The following GNAQ variants were observed in gnomAD, a reference collection of about 807,000 sequenced individuals.
GNAQ encodes the protein G protein subunit alpha q.
A neutral mutation model predicts 43.9 loss-of-function variants in GNAQ; 8 were observed. The observed-to-expected ratio is 0.18, with a 90% CI of 0.11 to 0.33. The LOEUF (loss-of-function observed/expected upper bound fraction) is 0.33. Among genes scored for constraint, GNAQ ranks in the 10% least tolerant of loss-of-function variants. GNAQ has a pLI of 1.00. For synonymous variants in GNAQ, 155 were observed against 170.7 expected, an observed-to-expected ratio of 0.91 and a Z score of 0.71; for missense variants, 158 against 450.8, an observed-to-expected ratio of 0.35 and a Z score of 5.88.
chr9:77,868,406 G>A (rs1385559160), intron 2 of GNAQ, among the ~76,000 whole-genome samples: 1 of 152,128 alleles, frequency 6.6e-6, no homozygotes, highest in Non-Finnish European at 1.5e-5. Context: ...TTTGATTAAT[G>A]GACTTACCTT....
chr9:77,764,416 T>A (rs1042865368), intron 5 of GNAQ, among the ~76,000 whole-genome samples: 1 of 152,124 alleles, frequency 6.6e-6, no homozygotes, highest in Admixed American at 6.5e-5. Flanking sequence ...GATAAAGCTA[T>A]ACTAAGCTGG....
intron 5 of GNAQ, among the ~76,000 whole-genome samples, chr9:77,761,535 C>T (rs1169357432): frequency 2.1e-4 from 30 of 140,096 alleles, no homozygotes; most frequent in African/African-American, 5.8e-4. Flanking sequence ...CCGCCCCGTC[C>T]GGGAGGGAGG....
At chr9:78,015,273 A>C (rs1363858250) in intron 1 of GNAQ, among the ~76,000 whole-genome samples, 2 of 152,236 alleles carry the variant, frequency 1.3e-5, no homozygotes, top group South Asian at 4.1e-4. Context: ...CACATAGCCT[A>C]TATGTGTGTT....
At chr9:77,761,590 G>A (rs1826025337) in intron 5 of GNAQ, among the ~76,000 whole-genome samples, 1 of 138,990 alleles carries the variant, frequency 7.2e-6, no homozygotes, top group Non-Finnish European at 1.6e-5. Flanking sequence ...CGCCCGGGAG[G>A]TGAGGGGCGC....
In GNAQ at chr9:77,806,943, G is replaced by C. The variant is rs376474139; in HGVS notation, c.476+8673C>G. The stretch of plus-strand genomic sequence containing the variant: ...TCCAGTGATTGCAGCCAAGAGCAAT[G>C]AGCAATAAATAGGTCATACTGATTT... On this transcript the variant is annotated intron_variant, in intron 3 of 6. Coordinates refer to ENST00000286548, the MANE Select transcript of GNAQ (RefSeq NM_002072.5). Among the ~76,000 whole-genome samples, 67 of 152,278 alleles carry C rather than the reference G, an allele frequency of 4.4e-4. 1 individual carries two copies. Among genetic ancestry groups the C allele is most frequent in the African/African-American group, 1.5e-3 (64 of 41,560 alleles).
chr9:78,020,874 A>C (rs1823900353), intron 1 of GNAQ, among the ~76,000 whole-genome samples: 1 of 152,174 alleles, frequency 6.6e-6, no homozygotes, highest in Non-Finnish European at 1.5e-5. Flanking sequence ...GATGAGGAGA[A>C]GGCCCTGGGC....
At chr9:77,761,878 C>T (rs1240008887) in intron 5 of GNAQ, among the ~76,000 whole-genome samples, 1 of 95,096 alleles carries the variant, frequency 1.1e-5, no homozygotes, top group South Asian at 4.1e-4. Context: ...CCTGGCCAGC[C>T]GCCCCATCCG....
rs185948909 is a variant in GNAQ, at chr9:77,863,954, T to G, written c.322-48184A>C. Among the ~76,000 whole-genome samples the G allele has an allele frequency of 2.8e-3, 429 of 152,226 alleles. 2 individuals are homozygous for G. The highest frequency in any genetic ancestry group is 4.5e-3 in the Non-Finnish European group (305 of 68,000). On this transcript the variant is annotated intron_variant, in intron 2 of 6. Transcript: ENST00000286548. ...AACACGTAGGAATTCAAGATGAGAT[T>G]TGGGTGGGGACACAGCCAAACCACA...
chr9:77,815,163 G>A (rs1367285675), intron 3 of GNAQ, among the ~76,000 whole-genome samples: 2 of 152,130 alleles, frequency 1.3e-5, no homozygotes, highest in African/African-American at 4.8e-5. Context: ...CTGGAAACCA[G>A]GAAGTCTGAT....
At chr9:77,760,009 C>A (rs1241195078) in intron 5 of GNAQ, among the ~76,000 whole-genome samples, 5 of 149,670 alleles carry the variant, frequency 3.3e-5, no homozygotes, top group African/African-American at 1.2e-4. Flanking sequence ...GATCCTCCTA[C>A]CTTGGCTTTC....
intron 3 of GNAQ, among the ~76,000 whole-genome samples, chr9:77,810,219 TATCTATC>T (rs1564117280): frequency 0.013 from 1,132 of 85,640 alleles, 49 homozygotes; most frequent in Admixed American, 0.11. Context: ...TCTATCTATC[TATCTATC>T]TATCTATCTA....
intron 1 of GNAQ, among the ~76,000 whole-genome samples, chr9:78,022,227 T>G (rs1344709772): frequency 6.6e-6 from 1 of 152,084 alleles, no homozygotes; most frequent in Non-Finnish European, 1.5e-5. Context: ...GCAGCAAGCT[T>G]AGACCCTTCA....
At chr9:77,903,713 G>T (rs971007962) in intron 2 of GNAQ, among the ~76,000 whole-genome samples, 1 of 152,052 alleles carries the variant, frequency 6.6e-6, no homozygotes, top group Non-Finnish European at 1.5e-5. Flanking sequence ...GCACAAGTGT[G>T]TGTATGTATG....
chr9:78,027,928 C>A (rs1425676419), intron 1 of GNAQ, among the ~76,000 whole-genome samples: 1 of 151,976 alleles, frequency 6.6e-6, no homozygotes, highest in East Asian at 1.9e-4. Flanking sequence ...CTTCTAGGAA[C>A]TGAAAAAAAT....
intron 1 of GNAQ, among the ~76,000 whole-genome samples, chr9:78,007,451 A>T (rs1470266678): frequency 6.6e-6 from 1 of 152,220 alleles, no homozygotes; most frequent in Admixed American, 6.5e-5. Context: ...AAAAAAAAAA[A>T]ATCGAACAGC....
intron 6 of GNAQ, among the ~76,000 whole-genome samples, chr9:77,727,303 TCAC>T (rs1479950003): frequency 6.6e-6 from 1 of 152,054 alleles, no homozygotes; most frequent in Non-Finnish European, 1.5e-5. Context: ...CAGGTGTGAA[TCAC>T]CACACCTGGC....
intron 5 of GNAQ, among the ~76,000 whole-genome samples, chr9:77,732,446 A>T (rs888195840): frequency 2.0e-5 from 3 of 150,550 alleles, no homozygotes; most frequent in Non-Finnish European, 4.4e-5. Context: ...GCTCACTGCA[A>T]CCTCTGCCTC....
chr9:77,819,646 A>G (rs1374538569), intron 2 of GNAQ, among the ~76,000 whole-genome samples: 1 of 152,104 alleles, frequency 6.6e-6, no homozygotes, highest in Non-Finnish European at 1.5e-5. Context: ...AAAATCAGAA[A>G]AAGTGCAAGC....
In GNAQ at chr9:77,793,164, T is replaced by C. The variant is rs1286001742; in HGVS notation, c.735+1299A>G. 2.0e-5 allele frequency among the ~76,000 whole-genome samples: 3 copies of C among 152,186 alleles called. No individual in the cohort carries two copies. In the East Asian group the frequency reaches 5.8e-4, roughly 29 times the overall value. ...TAAAGATATACAGATAAAGATATCATAGCTAAAATTCTGACAGTAACTGCC... is the reference window on the plus strand; with the variant it reads ...TAAAGATATACAGATAAAGATATCACAGCTAAAATTCTGACAGTAACTGCC... On this transcript the variant is annotated intron_variant, in intron 5 of 6. Coordinates refer to ENST00000286548, the MANE Select transcript of GNAQ (RefSeq NM_002072.5).
Sources: gnomAD v4.1 joint callset for allele counts (sites outside exome capture counted in the v4.1 genomes callset) on GRCh38, gnomAD v4.1.1 for gene constraint, MANE v1.5 for transcripts, NCBI Gene and HGNC (gene_info 2026-07-23, HGNC 2026-07-21) for gene names.